Variants in RHBDL2 observed in about 807,000 individuals in gnomAD.
RHBDL2 encodes the protein rhomboid like 2, also known as rhomboid-related protein 2.
Under a neutral mutation model 31.7 loss-of-function variants are expected in RHBDL2, and 26 were observed. That is an observed-to-expected ratio of 0.82 (90% CI 0.60 to 1.14). RHBDL2 has a LOEUF of 1.14. RHBDL2 is among the 50% of genes most tolerant of loss of function. RHBDL2 has a pLI of 0.00. For missense variants in RHBDL2, 336 were observed against 364.4 expected, an observed-to-expected ratio of 0.92 and a Z score of 0.63; for synonymous variants, 123 against 127.2, an observed-to-expected ratio of 0.97 and a Z score of 0.22.
intron 1 of RHBDL2, among the ~76,000 whole-genome samples, chr1:38,941,031 T>C (rs913738645): frequency 1.3e-5 from 2 of 152,220 alleles, no homozygotes; most frequent in Non-Finnish European, 2.9e-5. Context: ...TAGATGACCA[T>C]CAAATGTTTG....
At chr1:38,936,132 G>GATTCA (rs1557625443) in intron 1 of RHBDL2, among the ~76,000 whole-genome samples, 1 of 151,994 alleles carries the variant, frequency 6.6e-6, no homozygotes. Flanking sequence ...CAAACTCCTG[G>GATTCA]GCTCAAGTGA....
At chr1:38,913,070 C>T (rs540250261) in intron 3 of RHBDL2, among the ~76,000 whole-genome samples, 376 of 150,938 alleles carry the variant, frequency 2.5e-3, no homozygotes, top group African/African-American at 8.6e-3. Flanking sequence ...GCAACCTCCA[C>T]CTCCTGGGTT....
At chr1:38,929,576 T>C in intron 1 of RHBDL2, 1 of 1,287,348 alleles carries the variant, frequency 7.8e-7, no homozygotes, top group Non-Finnish European at 1.0e-6. Flanking sequence ...CATTCATTGG[T>C]ACCAGGCAGG....
At chr1:38,926,146 G>T in intron 1 of RHBDL2, 1 of 1,089,860 alleles carries the variant, frequency 9.2e-7, no homozygotes. Context: ...AGCTAGGGCA[G>T]CTTGACCAAT....
chr1:38,921,465 T>G (rs1423331571), intron 1 of RHBDL2, among the ~76,000 whole-genome samples: 2 of 151,948 alleles, frequency 1.3e-5, no homozygotes, highest in Admixed American at 1.3e-4. Context: ...GATGAATGAG[T>G]TTTAGATGGA....
chr1:38,893,104 ATT>A, intron 6 of RHBDL2, 58 bp downstream of exon 6: 3 of 995,068 alleles, frequency 3.0e-6, no homozygotes, highest in Non-Finnish European at 4.7e-6. Flanking sequence ...ATGTTTAGAG[ATT>A]TGTCTCTATA....
intron 1 of RHBDL2, among the ~76,000 whole-genome samples, chr1:38,924,870 A>C (rs1008791347): frequency 6.8e-6 from 1 of 147,422 alleles, no homozygotes; most frequent in South Asian, 2.1e-4. Context: ...CAACCTCTAC[A>C]TCCCAGGTTC....
At chr1:38,929,353 G>T in intron 1 of RHBDL2, 1 of 1,261,552 alleles carries the variant, frequency 7.9e-7, no homozygotes, top group Non-Finnish European at 1.0e-6. Flanking sequence ...ACGGGAAAAG[G>T]ATTTGCCTCT....
intron 4 of RHBDL2, among the ~76,000 whole-genome samples, chr1:38,900,279 G>C (rs1642972776): frequency 6.6e-6 from 1 of 152,064 alleles, no homozygotes; most frequent in Non-Finnish European, 1.5e-5. Flanking sequence ...AATTAGCCGG[G>C]TATGGTGGTG....
Position 38,886,466 on chromosome 1 carries a change from A to T in RHBDL2, c.*38T>A. On this transcript the variant is annotated 3_prime_UTR_variant, in exon 8 of 8. Coordinates refer to ENST00000372990, the MANE Select transcript of RHBDL2 (RefSeq NM_017821.5). ...TTCCTTTTTTTTTTATTTCCTCCAGATGGCTCTTTTTATTAATTGACTTAC... is the reference window on the plus strand; with the variant it reads ...TTCCTTTTTTTTTTATTTCCTCCAGTTGGCTCTTTTTATTAATTGACTTAC... 1.4e-6 allele frequency: 2 copies of T among 1,401,892 alleles called. No individual in the cohort carries two copies. Among genetic ancestry groups the T allele is most frequent in the Non-Finnish European group, 1.9e-6 (2 of 1,047,676 alleles). 86.8% of individuals were successfully genotyped at this position (1,401,892 alleles called of 1,614,324 possible).
At chr1:38,911,807 T>A (rs377419693) in intron 3 of RHBDL2, among the ~76,000 whole-genome samples, 1 of 151,356 alleles carries the variant, frequency 6.6e-6, no homozygotes, top group Admixed American at 6.6e-5. Flanking sequence ...TCCTGGCTAA[T>A]TTTTTTTTCT....
chr1:38,906,066 C>CAAAAAAAA (rs771773572), intron 4 of RHBDL2, among the ~76,000 whole-genome samples: 1 of 68,024 alleles, frequency 1.5e-5, no homozygotes. Context: ...GACTCCAACT[C>CAAAAAAAA]AAAAAAAAAA....
rs564226710 is a variant in RHBDL2 at position 38,920,335 on chromosome 1, T to G, written c.-125-998A>C. On this transcript the variant is annotated intron_variant, in intron 1 of 7. Transcript: ENST00000372990. ...GGCACCCGGCACCACACCCAGAAAA[T>G]TTTTGTATTTTTAGTAGAGACAGGG... Among the ~76,000 whole-genome samples, 22 of 151,168 alleles carry G rather than the reference T, an allele frequency of 1.5e-4. No homozygotes were observed. In the South Asian group the frequency reaches 3.8e-3, roughly 26 times the overall value.
intron 2 of RHBDL2, among the ~76,000 whole-genome samples, chr1:38,917,484 T>C (rs1009818666): frequency 6.6e-6 from 1 of 152,236 alleles, no homozygotes; most frequent in African/African-American, 2.4e-5. Context: ...ACTCATTGCC[T>C]AGGCAATTGA....
intron 1 of RHBDL2, among the ~76,000 whole-genome samples, chr1:38,931,905 A>G (rs990253054): frequency 2.0e-5 from 3 of 152,158 alleles, no homozygotes; most frequent in African/African-American, 7.2e-5. Flanking sequence ...ATAATTTGCC[A>G]TTCCTCTCAC....
intron 4 of RHBDL2, among the ~76,000 whole-genome samples, chr1:38,907,859 T>G (rs575960660): frequency 1.3e-5 from 2 of 152,290 alleles, no homozygotes; most frequent in African/African-American, 4.8e-5. Context: ...ACCCCAAAAG[T>G]ACCATTCATA....
At chr1:38,902,201 CTTTTTTTTTTTT>C (rs770169792) in intron 4 of RHBDL2, among the ~76,000 whole-genome samples, 3 of 92,820 alleles carry the variant, frequency 3.2e-5, no homozygotes, top group East Asian at 3.4e-4. Context: ...TTTTCTTTTT[CTTTTTTTTTTTT>C]TTTTTTTTTT....
At position 38,911,327 on chromosome 1, in the gene RHBDL2, A is replaced by G; in HGVS notation, c.503T>C (p.Ile168Thr). ...TGTTACCTCAGAACACTGACCTGCA[A>G]TCACTCCTGCCAGGTACACCAGCCC... ...RVGLVYLAGVIAGSLASSIFD... is the reference protein window; with the variant it reads ...RVGLVYLAGVTAGSLASSIFD... The change falls in exon 4 of 8, where the codon ATT becomes ACT. Residue 168 changes from isoleucine to threonine, a missense_variant. Physicochemically the swap from Ile to Thr is moderately conservative, Grantham distance 89 (BLOSUM62 -1). Coordinates refer to ENST00000372990, the MANE Select transcript of RHBDL2 (RefSeq NM_017821.5). 1 of 1,609,134 alleles carries G rather than the reference A, an allele frequency of 6.2e-7. No individual in the cohort carries two copies. Among genetic ancestry groups the G allele is most frequent in the South Asian group, 1.1e-5 (1 of 90,968 alleles).
intron 4 of RHBDL2, among the ~76,000 whole-genome samples, chr1:38,909,416 T>C (rs1643112179): frequency 6.6e-6 from 1 of 152,112 alleles, no homozygotes; most frequent in Non-Finnish European, 1.5e-5. Context: ...GAATGTAAAA[T>C]GGGAGAGGCA....
Sources: gnomAD v4.1 joint callset for allele counts (sites outside exome capture counted in the v4.1 genomes callset) on GRCh38, gnomAD v4.1.1 for gene constraint, MANE v1.5 for transcripts, NCBI Gene and HGNC (gene_info 2026-07-23, HGNC 2026-07-21) for gene names.